EPHB1: variants seen among roughly 807,000 people sequenced by gnomAD.
The protein encoded by EPHB1 is ephrin type-B receptor 1.
Under a neutral mutation model 94.4 loss-of-function variants are expected in EPHB1, and 30 were observed. That is an observed-to-expected ratio of 0.32 (90% CI 0.24 to 0.43). The LOEUF (loss-of-function observed/expected upper bound fraction) is 0.43. Among genes scored for constraint, EPHB1 ranks in the 20% least tolerant of loss-of-function variants. The pLI is 1.00. For synonymous variants in EPHB1, 522 were observed against 489.1 expected, an observed-to-expected ratio of 1.07 and a Z score of -0.89; for missense variants, 1,055 against 1,308.3, an observed-to-expected ratio of 0.81 and a Z score of 2.99.
At chr3:135,183,039 TTTCTTTC>T (rs1559865342) in intron 10 of EPHB1, among the ~76,000 whole-genome samples, 14 of 89,564 alleles carry the variant, frequency 1.6e-4, no homozygotes, top group East Asian at 3.4e-4. Context: ...TCTTTCTTTC[TTTCTTTC>T]TTTCTTTCTT....
chr3:134,963,923 A>G (rs1933626693), intron 3 of EPHB1, among the ~76,000 whole-genome samples: 1 of 152,188 alleles, frequency 6.6e-6, no homozygotes. Context: ...TCATGGAGTG[A>G]TCATATTCAC....
intron 1 of EPHB1, among the ~76,000 whole-genome samples, chr3:134,835,985 A>G (rs1435760275): frequency 6.6e-6 from 1 of 152,220 alleles, no homozygotes; most frequent in Non-Finnish European, 1.5e-5. Context: ...CTTCTTCATA[A>G]ATAAGGTTTT....
intron 5 of EPHB1, among the ~76,000 whole-genome samples, chr3:135,146,407 G>A (rs1941012169): frequency 6.6e-6 from 1 of 152,234 alleles, no homozygotes; most frequent in Non-Finnish European, 1.5e-5. Context: ...AAGTACATGA[G>A]GCACAATGAG....
At chr3:134,890,877 T>C (rs970069697) in intron 1 of EPHB1, among the ~76,000 whole-genome samples, 7 of 152,214 alleles carry the variant, frequency 4.6e-5, no homozygotes, top group Non-Finnish European at 1.0e-4. Flanking sequence ...TTTGTAATGA[T>C]AAAAACCATT....
At chr3:135,007,110 C>A (rs1044133816) in intron 3 of EPHB1, among the ~76,000 whole-genome samples, 2 of 152,152 alleles carry the variant, frequency 1.3e-5, no homozygotes, top group Non-Finnish European at 1.5e-5. Flanking sequence ...CTGATTTAGT[C>A]TACCTCCTTT....
rs993609786 is a variant in EPHB1, at chr3:135,166,149, G to A, written c.1694+73G>A. 1.6e-5 allele frequency: 18 copies of A among 1,131,278 alleles called. 1 individual carries two copies. The highest frequency in any genetic ancestry group is 1.5e-4 in the South Asian group (12 of 79,752). 70.1% of individuals were successfully genotyped at this position (1,131,278 alleles called of 1,614,324 possible). On this transcript the variant is annotated intron_variant, in intron 8 of 15. Coordinates refer to ENST00000398015, the MANE Select transcript of EPHB1 (RefSeq NM_004441.5). ...CTCCATGTGCCGTTTCCCAGGCTGC[G>A]TGGATCAGATAGGGTGTGACCATTC...
At chr3:135,053,021 GTGTGTGTA>G (rs1362696073) in intron 3 of EPHB1, among the ~76,000 whole-genome samples, 1 of 68,852 alleles carries the variant, frequency 1.5e-5, no homozygotes, top group African/African-American at 7.5e-5. Flanking sequence ...ATATGTGTGT[GTGTGTGTA>G]TATATATATA....
chr3:134,885,794 A>AG (rs1359610184), intron 1 of EPHB1, among the ~76,000 whole-genome samples: 2 of 152,192 alleles, frequency 1.3e-5, no homozygotes, highest in Non-Finnish European at 2.9e-5. Flanking sequence ...TCTTTGACCA[A>AG]GGAACCCCTT....
At chr3:134,908,213 C>CACACCATGCATATGCATA (rs2038376420) in intron 1 of EPHB1, among the ~76,000 whole-genome samples, 1 of 152,226 alleles carries the variant, frequency 6.6e-6, no homozygotes, top group Non-Finnish European at 1.5e-5. Flanking sequence ...TGGTGTGGGG[C>CACACCATGCATATGCATA]CTTCTGCGTA....
intron 3 of EPHB1, among the ~76,000 whole-genome samples, chr3:135,020,421 C>T (rs1935951709): frequency 6.6e-6 from 1 of 152,184 alleles, no homozygotes; most frequent in African/African-American, 2.4e-5. Context: ...CAGCCACTCC[C>T]CATTTCACTT....
intron 3 of EPHB1, among the ~76,000 whole-genome samples, chr3:134,957,364 G>T (rs1184681711): frequency 1.3e-5 from 2 of 152,210 alleles, no homozygotes; most frequent in African/African-American, 4.8e-5. Flanking sequence ...ATATTATAGG[G>T]TTACTGGGAT....
intron 15 of EPHB1, among the ~76,000 whole-genome samples, chr3:135,257,098 T>G (rs13079168): frequency 0.11 from 16,145 of 147,574 alleles, 943 homozygotes; most frequent in Middle Eastern, 0.2. Flanking sequence ...CTGTATTGGT[T>G]ATTCTAGTTA....
intron 3 of EPHB1, among the ~76,000 whole-genome samples, chr3:135,080,583 C>A (rs1357946726): frequency 6.6e-6 from 1 of 151,868 alleles, no homozygotes; most frequent in Admixed American, 6.6e-5. Context: ...GGGGGGACAG[C>A]AGGTGTGAGA....
chr3:134,917,055 T>C (rs1169756642), intron 1 of EPHB1, among the ~76,000 whole-genome samples: 2 of 152,178 alleles, frequency 1.3e-5, no homozygotes, highest in African/African-American at 4.8e-5. Flanking sequence ...ATTTTATTAG[T>C]GAAAAGCACT....
chr3:135,259,150 G>T lies in EPHB1; in HGVS notation c.*30G>T. ...TCTTGTTTCTTGGGGAAGGAGAGGA[G>T]GGAAAAGGACCAGGGTCAAGGGGGA... On this transcript the variant is annotated 3_prime_UTR_variant, in exon 16 of 16. Coordinates refer to ENST00000398015, the MANE Select transcript of EPHB1 (RefSeq NM_004441.5). 1 of 1,559,420 alleles carries T rather than the reference G, an allele frequency of 6.4e-7. No individual in the cohort carries two copies. Among genetic ancestry groups the T allele is most frequent in the South Asian group, 1.2e-5 (1 of 85,920 alleles).
intron 3 of EPHB1, among the ~76,000 whole-genome samples, chr3:135,002,690 AGT>A (rs1435910326): frequency 6.6e-6 from 1 of 151,940 alleles, no homozygotes; most frequent in African/African-American, 2.4e-5. Flanking sequence ...GTCTTGGGAG[AGT>A]GTATGTGTGA....
At chr3:135,034,047 CTTTT>C (rs201065555) in intron 3 of EPHB1, among the ~76,000 whole-genome samples, 10 of 149,668 alleles carry the variant, frequency 6.7e-5, no homozygotes, top group Admixed American at 5.3e-4. Flanking sequence ...CTCTGCTTCT[CTTTT>C]TTTTTTAAAC....
chr3:135,215,057 T>A (rs1943115567), intron 12 of EPHB1, among the ~76,000 whole-genome samples: 1 of 152,232 alleles, frequency 6.6e-6, no homozygotes. Flanking sequence ...TCCGTCCTGG[T>A]CACAGCTTAT....
chr3:135,147,884 C>A (rs1371983438), intron 5 of EPHB1, among the ~76,000 whole-genome samples: 1 of 152,214 alleles, frequency 6.6e-6, no homozygotes, highest in Admixed American at 6.5e-5. Flanking sequence ...CACCCACACA[C>A]ACAACACTGT....
Sources: gnomAD v4.1 joint callset for allele counts (sites outside exome capture counted in the v4.1 genomes callset) on GRCh38, gnomAD v4.1.1 for gene constraint, MANE v1.5 for transcripts, NCBI Gene and HGNC (gene_info 2026-07-23, HGNC 2026-07-21) for gene names.